The following IMMP2L variants were observed in gnomAD, a reference collection of about 807,000 sequenced individuals.
IMMP2L encodes inner mitochondrial membrane peptidase subunit 2.
In IMMP2L, 18 loss-of-function variants were observed where a neutral mutation model predicts 19.3. The ratio of observed to expected loss-of-function variants is 0.93; its 90% confidence interval spans 0.64 to 1.38. The LOEUF is 1.38. Among genes scored for constraint, IMMP2L ranks in the 40% most tolerant of loss-of-function variants. The pLI is 0.00. For missense variants in IMMP2L, 233 were observed against 218.2 expected (o/e 1.07, Z -0.43); for synonymous variants, 76 against 73.0 (o/e 1.04, Z -0.21).
intron 3 of IMMP2L, among the ~76,000 whole-genome samples, chr7:111,306,941 A>T (rs1822943179): frequency 1.3e-5 from 2 of 150,788 alleles, no homozygotes; most frequent in Non-Finnish European, 3.0e-5. Context: ...CATTATTAAA[A>T]GAGCTTCTCT....
chr7:110,989,233 CA>C (rs1031892512), intron 3 of IMMP2L, among the ~76,000 whole-genome samples: 111 of 146,696 alleles, frequency 7.6e-4, no homozygotes, highest in Admixed American at 1.1e-3. Flanking sequence ...GAAACTGTCT[CA>C]AAAAAAAAGA....
At chr7:110,780,006 C>G (rs1483088118) in intron 5 of IMMP2L, among the ~76,000 whole-genome samples, 1 of 151,778 alleles carries the variant, frequency 6.6e-6, no homozygotes, top group South Asian at 2.1e-4. Flanking sequence ...CGGGTACTGT[C>G]ACGAACATAT....
At chr7:111,006,685 T>C (rs1480916356) in intron 3 of IMMP2L, among the ~76,000 whole-genome samples, 1 of 152,162 alleles carries the variant, frequency 6.6e-6, no homozygotes, top group Non-Finnish European at 1.5e-5. Context: ...TATCTGATTG[T>C]TTCAGCTGCC....
chr7:110,908,374 C>T lies in IMMP2L; in HGVS notation c.306-21679G>A, dbSNP rs975389864. Reference sequence around the variant, plus strand: ...CATCTTTCCTTTAACATGAACTTGCCGGATAACTGATTTAGCATTCACTCT... The same window carrying T: ...CATCTTTCCTTTAACATGAACTTGCTGGATAACTGATTTAGCATTCACTCT... On this transcript the variant is annotated intron_variant, in intron 4 of 5. Coordinates refer to ENST00000405709, the MANE Select transcript of IMMP2L (RefSeq NM_032549.4). Among the ~76,000 whole-genome samples, 4 of 151,988 alleles carry T rather than the reference C, an allele frequency of 2.6e-5. No homozygotes were observed. The East Asian group carries it at 5.8e-4, about 22-fold the overall frequency.
chr7:111,390,371 T>C (rs546066035), intron 3 of IMMP2L, among the ~76,000 whole-genome samples: 2 of 152,152 alleles, frequency 1.3e-5, no homozygotes, highest in Admixed American at 6.5e-5. Flanking sequence ...CTAAAATACA[T>C]CTCACACCCC....
At position 111,230,322 on chromosome 7, in the gene IMMP2L, C is replaced by A. The variant is rs1181699000; in HGVS notation, c.239+256916G>T. ...TCACTTCACAAGTATTTACTGAGGT[C>A]TGATACCAATTCAAACACTAGCAAG... On this transcript the variant is annotated intron_variant, in intron 3 of 5. Transcript: ENST00000405709. Among the ~76,000 whole-genome samples the A allele has an allele frequency of 3.3e-5, 5 of 151,950 alleles. No individual in the cohort carries two copies. The South Asian group carries it at 8.3e-4, about 25-fold the overall frequency.
At chr7:110,714,563 G>C (rs1795112496) in intron 5 of IMMP2L, among the ~76,000 whole-genome samples, 1 of 152,102 alleles carries the variant, frequency 6.6e-6, no homozygotes, top group African/African-American at 2.4e-5. Context: ...GAATTTGGCT[G>C]TGAGTCCATC....
At chr7:111,185,166 T>C (rs962341376) in intron 3 of IMMP2L, among the ~76,000 whole-genome samples, 1 of 152,188 alleles carries the variant, frequency 6.6e-6, no homozygotes, top group Non-Finnish European at 1.5e-5. Flanking sequence ...CCCTATGCCA[T>C]ATGGCATTCC....
chr7:111,185,197 T>A (rs1355564615), intron 3 of IMMP2L, among the ~76,000 whole-genome samples: 2 of 152,176 alleles, frequency 1.3e-5, no homozygotes, highest in Non-Finnish European at 2.9e-5. Context: ...AGAAGTTTTG[T>A]TAATGTCCTC....
At chr7:110,945,023 C>T (rs1817110242) in intron 4 of IMMP2L, among the ~76,000 whole-genome samples, 1 of 151,750 alleles carries the variant, frequency 6.6e-6, no homozygotes, top group Non-Finnish European at 1.5e-5. Flanking sequence ...AGTAGGAATT[C>T]GCCAGGCAAA....
chr7:110,877,190 T>C lies in IMMP2L; in HGVS notation c.408+9403A>G, dbSNP rs1489583348. Among the ~76,000 whole-genome samples the C allele has an allele frequency of 1.3e-5, 2 of 152,196 alleles. No individual in the cohort carries two copies. The highest frequency in any genetic ancestry group is 4.8e-5 in the African/African-American group (2 of 41,462). ...ATTTGGTTCAAGGGCCATATTTCAC[T>C]GAACCCTGTTCTAGATGAACCTTTG... On this transcript the variant is annotated intron_variant, in intron 5 of 5. Coordinates refer to ENST00000405709, the MANE Select transcript of IMMP2L (RefSeq NM_032549.4). The surrounding 1 kb of genome is among the most constrained non-coding windows in gnomAD (Gnocchi z 4.0).
At chr7:110,786,940 T>C (rs1038559605) in intron 5 of IMMP2L, among the ~76,000 whole-genome samples, 4 of 152,024 alleles carry the variant, frequency 2.6e-5, no homozygotes, top group Non-Finnish European at 4.4e-5. Context: ...TTTGGAGTGC[T>C]TGTCAAATAA....
intron 3 of IMMP2L, among the ~76,000 whole-genome samples, chr7:111,278,551 C>T (rs1819356000): frequency 6.6e-6 from 1 of 152,138 alleles, no homozygotes; most frequent in Non-Finnish European, 1.5e-5. Context: ...CAGTTTCTCT[C>T]TACACATATA....
At chr7:111,096,060 A>C (rs555144748) in intron 3 of IMMP2L, among the ~76,000 whole-genome samples, 23 of 152,136 alleles carry the variant, frequency 1.5e-4, no homozygotes, top group Non-Finnish European at 2.8e-4. Context: ...AATAGTAATT[A>C]ATTGACTCAA....
At chr7:111,092,365 T>C (rs1468910030) in intron 3 of IMMP2L, among the ~76,000 whole-genome samples, 1 of 152,228 alleles carries the variant, frequency 6.6e-6, no homozygotes, top group Non-Finnish European at 1.5e-5. Context: ...CTATATTCCC[T>C]TTGCTGTTGT....
intron 3 of IMMP2L, among the ~76,000 whole-genome samples, chr7:111,197,316 A>T (rs1815447320): frequency 6.6e-6 from 1 of 152,038 alleles, no homozygotes; most frequent in Admixed American, 6.5e-5. Flanking sequence ...ACAAAAAATT[A>T]GCCGGGCGTG....
At chr7:111,130,633 G>C (rs1023247504) in intron 3 of IMMP2L, among the ~76,000 whole-genome samples, 1 of 152,088 alleles carries the variant, frequency 6.6e-6, no homozygotes, top group African/African-American at 2.4e-5. Flanking sequence ...CACATTGAGA[G>C]AATCAGGCTG....
intron 3 of IMMP2L, among the ~76,000 whole-genome samples, chr7:111,426,471 T>G (rs1836088781): frequency 6.6e-6 from 1 of 151,112 alleles, no homozygotes; most frequent in East Asian, 1.9e-4. Flanking sequence ...TCTAAAGTCT[T>G]GAAATCCCAA....
At chr7:111,039,866 C>G (rs1191218134) in intron 3 of IMMP2L, among the ~76,000 whole-genome samples, 1 of 152,078 alleles carries the variant, frequency 6.6e-6, no homozygotes, top group Non-Finnish European at 1.5e-5. Flanking sequence ...CATGCAGACC[C>G]AACTATAAAA....
Sources: allele counts gnomAD v4.1 joint callset (sites outside exome capture counted in the v4.1 genomes callset), GRCh38; gene constraint gnomAD v4.1.1; non-coding constraint Gnocchi (gnomAD v3.1); transcripts MANE v1.5; gene names NCBI Gene and HGNC (gene_info 2026-07-23, HGNC 2026-07-21).